PHLPP1: variants seen among roughly 807,000 people sequenced by gnomAD.
PHLPP1 encodes PH domain leucine-rich repeat-containing protein phosphatase 1.
Under a neutral mutation model 117.2 loss-of-function variants are expected in PHLPP1, and 42 were observed. That is an observed-to-expected ratio of 0.36 (90% CI 0.28 to 0.46). The LOEUF (loss-of-function observed/expected upper bound fraction) is 0.46, where lower values mean the gene tolerates loss of function less well. PHLPP1 is among the 20% of genes least tolerant of loss of function. The pLI is 1.00. For missense variants in PHLPP1, 2,084 were observed against 2,241.9 expected (o/e 0.93, Z 1.42); for synonymous variants, 1,042 against 970.7 (o/e 1.07, Z -1.37).
At chr18:62,739,254 T>C (rs1353605850) in intron 1 of PHLPP1, among the ~76,000 whole-genome samples, 1 of 152,154 alleles carries the variant, frequency 6.6e-6, no homozygotes, top group Non-Finnish European at 1.5e-5. Flanking sequence ...ATTTAAAAAG[T>C]AGTAGCGAGT....
rs997906882 is a variant in PHLPP1, at chr18:62,772,335, C to G, written c.1576+55076C>G. Among the ~76,000 whole-genome samples, 26 of 151,742 alleles carry G rather than the reference C, an allele frequency of 1.7e-4. No individual in the cohort carries two copies. The South Asian group carries it at 2.1e-3, about 12-fold the overall frequency. On this transcript the variant is annotated intron_variant, in intron 1 of 16. Coordinates refer to ENST00000262719, the MANE Select transcript of PHLPP1 (RefSeq NM_194449.4). ...GAAAATAGGATTCCATTTTTCTGTTCTGTTTTCTTTATTTTTTTTAAGCAT... is the reference window on the plus strand; with the variant it reads ...GAAAATAGGATTCCATTTTTCTGTTGTGTTTTCTTTATTTTTTTTAAGCAT...
At chr18:62,946,226 G>A (rs1024156890) in intron 12 of PHLPP1, among the ~76,000 whole-genome samples, 4 of 152,142 alleles carry the variant, frequency 2.6e-5, no homozygotes, top group African/African-American at 9.7e-5. Flanking sequence ...AAAGCAAATA[G>A]ACATTTGAAG....
At chr18:62,954,449 G>A (rs188544477) in intron 12 of PHLPP1, among the ~76,000 whole-genome samples, 44 of 152,158 alleles carry the variant, frequency 2.9e-4, no homozygotes, top group African/African-American at 1.0e-3. Flanking sequence ...TTGCTTAGTG[G>A]TAACCATTAT....
At chr18:62,794,153 T>C (rs932597126) in intron 1 of PHLPP1, among the ~76,000 whole-genome samples, 1 of 152,198 alleles carries the variant, frequency 6.6e-6, no homozygotes, top group African/African-American at 2.4e-5. Flanking sequence ...TGTATACATA[T>C]GCATACATAT....
chr18:62,782,092 G>A (rs1913135272), intron 1 of PHLPP1, among the ~76,000 whole-genome samples: 1 of 152,164 alleles, frequency 6.6e-6, no homozygotes. Context: ...CCATACTTTT[G>A]ATTTCATGCT....
At chr18:62,971,964 A>G (rs1224359242) in intron 14 of PHLPP1, among the ~76,000 whole-genome samples, 2 of 148,408 alleles carry the variant, frequency 1.3e-5, no homozygotes, top group African/African-American at 5.0e-5. Flanking sequence ...TGAGCCCTAG[A>G]AGTGGAGACT....
chr18:62,799,224 T>C (rs1021365925), intron 1 of PHLPP1, among the ~76,000 whole-genome samples: 1 of 152,172 alleles, frequency 6.6e-6, no homozygotes, highest in African/African-American at 2.4e-5. Context: ...GAAAGGATAC[T>C]AAAAATAACA....
At chr18:62,944,689 C>T (rs1160862456) in intron 11 of PHLPP1, among the ~76,000 whole-genome samples, 1 of 152,152 alleles carries the variant, frequency 6.6e-6, no homozygotes, top group East Asian at 1.9e-4. Flanking sequence ...CTCTACCTCC[C>T]CCTTGAGTTT....
chr18:62,833,186 G>C (rs568524063), intron 2 of PHLPP1, among the ~76,000 whole-genome samples: 336 of 152,192 alleles, frequency 2.2e-3, no homozygotes, highest in African/African-American at 7.9e-3. Context: ...CGATTCTCCT[G>C]CCTCAGCCTC....
intron 3 of PHLPP1, among the ~76,000 whole-genome samples, chr18:62,844,608 C>T (rs1007874249): frequency 4.6e-5 from 7 of 152,188 alleles, no homozygotes; most frequent in South Asian, 2.1e-4. Flanking sequence ...GACATTATTT[C>T]GCTCACAACT....
chr18:62,741,649 C>G (rs1911529381), intron 1 of PHLPP1, among the ~76,000 whole-genome samples: 1 of 151,116 alleles, frequency 6.6e-6, no homozygotes, highest in Non-Finnish European at 1.5e-5. Flanking sequence ...AGTAAACTTA[C>G]CAAATACTTT....
At chr18:62,947,565 A>T (rs1047448021) in intron 12 of PHLPP1, among the ~76,000 whole-genome samples, 12 of 152,130 alleles carry the variant, frequency 7.9e-5, no homozygotes, top group Non-Finnish European at 1.6e-4. Flanking sequence ...ACTGGTCTCT[A>T]TGTGTGGTGC....
At chr18:62,936,722 G>A (rs1909979466) in intron 10 of PHLPP1, among the ~76,000 whole-genome samples, 1 of 152,184 alleles carries the variant, frequency 6.6e-6, no homozygotes, top group African/African-American at 2.4e-5. Flanking sequence ...CCTAAATTGA[G>A]AGACATTTTA....
chr18:62,862,515 A>T (rs1218806502), intron 4 of PHLPP1, among the ~76,000 whole-genome samples: 1 of 152,214 alleles, frequency 6.6e-6, no homozygotes, highest in Non-Finnish European at 1.5e-5. Flanking sequence ...ACATGCCATC[A>T]GTTGTTTTCT....
chr18:62,837,095 A>G, intron 2 of PHLPP1, among the ~76,000 whole-genome samples: 1 of 152,134 alleles, frequency 6.6e-6, no homozygotes, highest in East Asian at 1.9e-4. Flanking sequence ...CGATTTCCCC[A>G]CTTTAGACTT....
chr18:62,838,629 G>A (rs776411737), intron 2 of PHLPP1, 155 bp from the exon 3 acceptor site: 9 of 599,018 alleles, frequency 1.5e-5, no homozygotes, highest in Non-Finnish European at 2.5e-5. Context: ...CAAATTGGGT[G>A]ATCATATGCA....
intron 1 of PHLPP1, among the ~76,000 whole-genome samples, chr18:62,738,141 A>C (rs79109496): frequency 1.3e-5 from 2 of 151,958 alleles, no homozygotes; most frequent in South Asian, 2.1e-4. Flanking sequence ...GAAAAAAAAA[A>C]CAGTAAAAAA....
chr18:62,863,026 A>G (rs190355769), intron 4 of PHLPP1, among the ~76,000 whole-genome samples: 6 of 150,820 alleles, frequency 4.0e-5, no homozygotes, highest in African/African-American at 7.3e-5. Context: ...GACGTGTACT[A>G]TGAAAGTTAT....
chr18:62,757,259 G>A (rs1912056106), intron 1 of PHLPP1, among the ~76,000 whole-genome samples: 1 of 152,150 alleles, frequency 6.6e-6, no homozygotes, highest in Admixed American at 6.5e-5. Flanking sequence ...CCAGTAATGG[G>A]CCGATGTATT....
Sources: gnomAD v4.1 joint callset for allele counts (sites outside exome capture counted in the v4.1 genomes callset) on GRCh38, gnomAD v4.1.1 for gene constraint, MANE v1.5 for transcripts, NCBI Gene and HGNC (gene_info 2026-07-23, HGNC 2026-07-21) for gene names.